Variants in CADM2 observed in about 807,000 individuals in gnomAD.
The protein encoded by CADM2 is immunoglobulin superfamily member 4D.
A neutral mutation model predicts 49.8 loss-of-function variants in CADM2; 12 were observed. The observed-to-expected ratio is 0.24, with a 90% CI of 0.15 to 0.39. The LOEUF is 0.39. Among genes scored for constraint, CADM2 ranks in the 10% least tolerant of loss-of-function variants. The pLI, the probability that CADM2 is intolerant of heterozygous loss-of-function variation, is 1.00. For missense variants in CADM2, 378 were observed against 492.3 expected, an observed-to-expected ratio of 0.77 and a Z score of 2.20; for synonymous variants, 214 against 175.4, an observed-to-expected ratio of 1.22 and a Z score of -1.74.
chr3:85,640,573 C>G (rs2064679376), intron 1 of CADM2, among the ~76,000 whole-genome samples: 1 of 152,058 alleles, frequency 6.6e-6, no homozygotes, highest in Non-Finnish European at 1.5e-5. Context: ...TTTTAGGGAA[C>G]AGCAAGACGT....
chr3:85,888,752 C>T (rs148735702), intron 5 of CADM2, among the ~76,000 whole-genome samples: 199 of 152,170 alleles, frequency 1.3e-3, no homozygotes, highest in African/African-American at 4.5e-3. Flanking sequence ...GTAAAGACTA[C>T]GGCACAAAGT....
chr3:85,209,813 T>C (rs1274670148), intron 1 of CADM2, among the ~76,000 whole-genome samples: 1 of 152,172 alleles, frequency 6.6e-6, no homozygotes, highest in Non-Finnish European at 1.5e-5. Context: ...TTTGAAAAGT[T>C]CACAAATGGG....
chr3:85,722,443 G>T (rs1183322771), intron 1 of CADM2, among the ~76,000 whole-genome samples: 1 of 152,160 alleles, frequency 6.6e-6, no homozygotes, highest in Non-Finnish European at 1.5e-5. Flanking sequence ...TTAGGAGGAA[G>T]GATAACAGAC....
At chr3:85,486,040 G>T (rs920377964) in intron 1 of CADM2, among the ~76,000 whole-genome samples, 3 of 152,084 alleles carry the variant, frequency 2.0e-5, no homozygotes, top group African/African-American at 4.8e-5. Flanking sequence ...AGGAGAAAAT[G>T]ATGACGTTGA....
chr3:85,333,783 T>A lies in CADM2; in HGVS notation c.61+374115T>A, dbSNP rs563117686. 2.0e-5 allele frequency among the ~76,000 whole-genome samples: 3 copies of A among 151,792 alleles called. No individual in the cohort carries two copies. In the South Asian group the frequency reaches 6.2e-4, roughly 31 times the overall value. ...CCATATTATAGAGGCTTATCATTAA[T>A]GCATAAAAGGCTATTATATTTCGAA... On this transcript the variant is annotated intron_variant, in intron 1 of 9. Coordinates refer to ENST00000383699, the MANE Select transcript of CADM2 (RefSeq NM_001167675.2).
At chr3:85,752,744 TG>T (rs1431449157) in intron 2 of CADM2, among the ~76,000 whole-genome samples, 2 of 151,992 alleles carry the variant, frequency 1.3e-5, no homozygotes, top group Non-Finnish European at 2.9e-5. Context: ...AAAAAAATCA[TG>T]GATTTTTTTT....
At chr3:85,970,838 G>T (rs1284072659) in intron 8 of CADM2, among the ~76,000 whole-genome samples, 1 of 151,246 alleles carries the variant, frequency 6.6e-6, no homozygotes, top group Non-Finnish European at 1.5e-5. Context: ...AATGAGAAGC[G>T]GTATCAAGAT....
chr3:85,334,933 G>T (rs1053839373), intron 1 of CADM2, among the ~76,000 whole-genome samples: 1 of 151,058 alleles, frequency 6.6e-6, no homozygotes, highest in Admixed American at 6.6e-5. Context: ...TTAGTAACTT[G>T]TATTTTCAAA....
At chr3:85,427,659 A>G (rs2036476306) in intron 1 of CADM2, among the ~76,000 whole-genome samples, 1 of 152,116 alleles carries the variant, frequency 6.6e-6, no homozygotes, top group Non-Finnish European at 1.5e-5. Flanking sequence ...ATCCTTGGAA[A>G]CTGCTATCTT....
At chr3:85,343,360 A>G (rs2030152694) in intron 1 of CADM2, among the ~76,000 whole-genome samples, 1 of 152,212 alleles carries the variant, frequency 6.6e-6, no homozygotes, top group Non-Finnish European at 1.5e-5. Context: ...GAGGTGGAAT[A>G]GAAACCCAGA....
intron 1 of CADM2, among the ~76,000 whole-genome samples, chr3:85,485,243 T>A (rs1186183168): frequency 6.6e-6 from 1 of 151,916 alleles, no homozygotes; most frequent in Non-Finnish European, 1.5e-5. Context: ...TTCCTACATG[T>A]GATGTATTTA....
At chr3:85,596,049 A>G (rs78537911) in intron 1 of CADM2, among the ~76,000 whole-genome samples, 12,260 of 151,976 alleles carry the variant, frequency 0.081, 955 homozygotes, top group African/African-American at 0.18. Flanking sequence ...TAATTACTAT[A>G]TGATTTATCA....
intron 1 of CADM2, among the ~76,000 whole-genome samples, chr3:85,649,965 A>G (rs1453766683): frequency 6.6e-6 from 1 of 152,190 alleles, no homozygotes; most frequent in Admixed American, 6.6e-5. Flanking sequence ...TAGCCGTTAT[A>G]TAGGCATCAC....
At chr3:85,972,903 A>T (rs1339961524) in intron 8 of CADM2, among the ~76,000 whole-genome samples, 1 of 151,758 alleles carries the variant, frequency 6.6e-6, no homozygotes, top group Non-Finnish European at 1.5e-5. Flanking sequence ...AAAGAAAAGG[A>T]CACTTTTCTG....
chr3:85,706,081 T>G (rs1176758625), intron 1 of CADM2, among the ~76,000 whole-genome samples: 1 of 152,242 alleles, frequency 6.6e-6, no homozygotes, highest in Non-Finnish European at 1.5e-5. Context: ...TTTTCCTTAG[T>G]AAATCTAATA....
chr3:85,015,602 A>G (rs2034217306), intron 1 of CADM2, among the ~76,000 whole-genome samples: 1 of 152,216 alleles, frequency 6.6e-6, no homozygotes, highest in African/African-American at 2.4e-5. Flanking sequence ...CCTGCCAACA[A>G]GAAACCTTGA....
At position 85,802,102 on chromosome 3, in the gene CADM2, T is replaced by C; in HGVS notation, c.144T>C (p.Thr48=). 4.3e-6 allele frequency: 7 copies of C among 1,613,430 alleles called. No homozygotes were observed. Among genetic ancestry groups the C allele is most frequent in the Non-Finnish European group, 5.9e-6 (7 of 1,179,592 alleles). ...ATGTAACCGTTGTTGAAGGTGGAAC[T>C]GCAATTTTGACCTGCAGGGTTGATC... ...TQNVTVVEGG[T]AILTCRVDQN... Residue 48 remains threonine, a synonymous_variant, in exon 3 of 10, where the codon ACT becomes ACC. Transcript: ENST00000383699.
chr3:85,049,927 CA>C (rs1472673399), intron 1 of CADM2, among the ~76,000 whole-genome samples: 2 of 152,040 alleles, frequency 1.3e-5, no homozygotes, highest in Non-Finnish European at 2.9e-5. Context: ...AGAAGTTCCC[CA>C]CTTACCTCAC....
chr3:85,427,160 CTATATATATATATATATATATATA>C (rs35485915), intron 1 of CADM2, among the ~76,000 whole-genome samples: 12 of 113,698 alleles, frequency 1.1e-4, no homozygotes, highest in African/African-American at 4.4e-4. Context: ...TGTATTGGAA[CTATATATATATATATATATATATA>C]TATATATATA....
Sources: gnomAD v4.1 joint callset for allele counts (sites outside exome capture counted in the v4.1 genomes callset) on GRCh38, gnomAD v4.1.1 for gene constraint, MANE v1.5 for transcripts, NCBI Gene and HGNC (gene_info 2026-07-23, HGNC 2026-07-21) for gene names.